The following TFAM variants were observed in gnomAD, a reference collection of about 807,000 sequenced individuals.
TFAM encodes mitochondrial transcription factor 1.
TFAM carries 13 observed loss-of-function variants against 30.6 expected under a neutral mutation model. The observed-to-expected ratio is 0.42, with a 90% confidence interval of 0.28 to 0.67. The LOEUF (loss-of-function observed/expected upper bound fraction) is 0.67, where lower values mean the gene tolerates loss of function less well. Ranked by LOEUF, TFAM falls within the 30% of genes least tolerant of loss-of-function variation. The pLI, the probability that TFAM is intolerant of heterozygous loss-of-function variation, is 0.21. For synonymous variants in TFAM, 106 were observed against 94.8 expected (o/e 1.12, Z -0.69); for missense variants, 231 against 293.7 (o/e 0.79, Z 1.56).
chr10:58,396,068 A>T lies in TFAM; in HGVS notation c.*994A>T. ...TTTATAATTTTAAATGTTTTTTTTT[A>T]AAGACTTTTATGATACTTGAAAATT... is the stretch of plus-strand genomic sequence containing the variant. On this transcript the variant is annotated 3_prime_UTR_variant, in exon 7 of 7. Transcript: ENST00000487519. 5.2e-5 allele frequency: 8 copies of T among 153,906 alleles called. No homozygotes were observed. The highest frequency in any genetic ancestry group is 1.0e-4 in the Non-Finnish European group (7 of 69,334). The allele number at this position is 153,906 out of a possible 1,614,324, so 9.5% of individuals were successfully genotyped here.
rs1353484787 is a variant in TFAM, at chr10:58,396,096, C to G, written c.*1022C>G. The G allele has an allele frequency of 6.6e-6, 1 of 152,462 alleles. No individual in the cohort carries two copies. The highest frequency in any genetic ancestry group is 1.5e-5 in the Non-Finnish European group (1 of 68,336). 9.4% of individuals were successfully genotyped at this position (152,462 alleles called of 1,614,324 possible). A position where few individuals can be genotyped will look rare whatever the true frequency, so the allele number is the denominator to read the frequency against. On this transcript the variant is annotated 3_prime_UTR_variant, in exon 7 of 7. Transcript: ENST00000487519. ...GACTTTTATGATACTTGAAAATTAA[C>G]ATGAATATTTAGTGTTCATAAATAA... is the stretch of plus-strand genomic sequence containing the variant.
rs929869516 is a variant in TFAM, at chr10:58,388,048, G to T, written c.221-142G>T. ...TGATAATGTTGGATAAATTACTTACGTTTAAATTAGTTGGATAAAGGAAAG... is the reference window on the plus strand; with the variant it reads ...TGATAATGTTGGATAAATTACTTACTTTTAAATTAGTTGGATAAAGGAAAG... On this transcript the variant is annotated intron_variant, in intron 2 of 6. Coordinates refer to ENST00000487519, the MANE Select transcript of TFAM (RefSeq NM_003201.3). The T allele has an allele frequency of 4.7e-5, 32 of 677,468 alleles. No individual in the cohort carries two copies. The African/African-American group carries it at 4.9e-4, about 10-fold the overall frequency. The allele number at this position is 677,468 out of a possible 1,614,324, so 42.0% of individuals were successfully genotyped here.
intron 2 of TFAM, chr10:58,386,647 TA>T (rs1840496303): frequency 8.6e-7 from 1 of 1,166,462 alleles, no homozygotes. Context: ...TTCTCTTGCC[TA>T]GCTCCTCCTT....
At chr10:58,393,894 C>CAAAAA (rs1212905436) in intron 5 of TFAM, among the ~76,000 whole-genome samples, 1 of 115,650 alleles carries the variant, frequency 8.6e-6, no homozygotes, top group South Asian at 2.8e-4. Flanking sequence ...GACCTTGTCT[C>CAAAAA]AAAAAAAAAA....
intron 2 of TFAM, among the ~76,000 whole-genome samples, chr10:58,387,158 G>A (rs1358838291): frequency 1.3e-5 from 2 of 152,166 alleles, no homozygotes; most frequent in South Asian, 2.1e-4. Flanking sequence ...AGCTACTTGG[G>A]AGGCTGTGGT....
Position 58,388,831 on chromosome 10 carries a change from T to G in TFAM, c.441+12T>G. On this transcript the variant is annotated intron_variant, in intron 4 of 6. Transcript: ENST00000487519. The stretch of plus-strand genomic sequence containing the variant: ...TGACAAAAAAAAAAGTGAGTATCAT[T>G]GAAATACTTTTTTCTTATGGTAAAG... 1 of 1,594,318 alleles carries G rather than the reference T, an allele frequency of 6.3e-7. No homozygotes were observed. Among genetic ancestry groups the G allele is most frequent in the Non-Finnish European group, 8.6e-7 (1 of 1,166,580 alleles).
At chr10:58,391,806 A>T (rs894087007) in intron 5 of TFAM, among the ~76,000 whole-genome samples, 1 of 151,028 alleles carries the variant, frequency 6.6e-6, no homozygotes, top group Non-Finnish European at 1.5e-5. Flanking sequence ...TTTTGCACCA[A>T]CCTAATAGTA....
At chr10:58,387,193 G>A (rs1462666289) in intron 2 of TFAM, among the ~76,000 whole-genome samples, 1 of 152,110 alleles carries the variant, frequency 6.6e-6, no homozygotes, top group Admixed American at 6.5e-5. Flanking sequence ...ATCCCAGGAA[G>A]TTGAGGCTGC....
Position 58,385,464 on chromosome 10 carries a change from G to A in TFAM, c.-84G>A. On this transcript the variant is annotated 5_prime_UTR_variant, in exon 1 of 7. Coordinates refer to ENST00000487519, the MANE Select transcript of TFAM (RefSeq NM_003201.3). ...ACACACGCCGGAGGGTCGCACGCGGGTTCCAGTTGTGATTGCTGGAGTTGT... is the reference window on the plus strand; with the variant it reads ...ACACACGCCGGAGGGTCGCACGCGGATTCCAGTTGTGATTGCTGGAGTTGT... The A allele has an allele frequency of 9.5e-7, 1 of 1,051,642 alleles. No individual in the cohort carries two copies. The highest frequency in any genetic ancestry group is 1.4e-6 in the Non-Finnish European group (1 of 694,724). The allele number at this position is 1,051,642 out of a possible 1,614,324, so 65.1% of individuals were successfully genotyped here. A position where few individuals can be genotyped will look rare whatever the true frequency, so the allele number is the denominator to read the frequency against.
Position 58,385,607 on chromosome 10 carries a change from G to A in TFAM, c.60G>A (p.Glu20=). 3.2e-6 allele frequency: 5 copies of A among 1,567,364 alleles called. No individual in the cohort carries two copies. The highest frequency in any genetic ancestry group is 4.3e-6 in the Non-Finnish European group (5 of 1,155,576). ...GTGCCCTGGGAAGGTCTGGAGCAGA[G>A]CTGTGCACCGGCTGTGGAAGTCGAC... is the stretch of plus-strand genomic sequence containing the variant. ...VLSALGRSGA[E]LCTGCGSRLR... Residue 20 remains glutamate, a synonymous_variant, in exon 1 of 7, where the codon GAG becomes GAA. Coordinates refer to ENST00000487519, the MANE Select transcript of TFAM (RefSeq NM_003201.3).
chr10:58,386,855 G>T (rs1379391809), intron 2 of TFAM: 1 of 203,474 alleles, frequency 4.9e-6, no homozygotes, highest in East Asian at 1.8e-4. Flanking sequence ...ACCTTGCCAA[G>T]GGGATGGTGG....
rs45602241 is a variant in TFAM, at chr10:58,390,531, G to T, written c.442-234G>T. The stretch of plus-strand genomic sequence containing the variant: ...GTTCATGGAGACTATGAGAATAATA[G>T]GTAAAGGAAATGGTTTTGTATGGAA... On this transcript the variant is annotated intron_variant, in intron 4 of 6. Coordinates refer to ENST00000487519, the MANE Select transcript of TFAM (RefSeq NM_003201.3). 8.3e-3 allele frequency among the ~76,000 whole-genome samples: 1,256 copies of T among 152,234 alleles called. 22 individuals carry two copies. The highest frequency in any genetic ancestry group is 0.026 in the African/African-American group (1,062 of 41,546).
At chr10:58,388,533 A>C (rs1285222563) in intron 3 of TFAM, 137 bp from the exon 4 acceptor site, 10 of 956,892 alleles carry the variant, frequency 1.0e-5, no homozygotes, top group Non-Finnish European at 1.7e-5. Context: ...ATCCATATAC[A>C]TCTCATCCCA....
chr10:58,389,734 T>G lies in TFAM; in HGVS notation c.441+915T>G, dbSNP rs181350400. On this transcript the variant is annotated intron_variant, in intron 4 of 6. Transcript: ENST00000487519. The stretch of plus-strand genomic sequence containing the variant: ...GTTTGGAAGAGTGATTACTAAAGTA[T>G]ATCCTCCCTCTTTCATTCTCCCTTC... Among the ~76,000 whole-genome samples the G allele has an allele frequency of 9.1e-4, 138 of 152,358 alleles. 1 individual carries two copies. Among genetic ancestry groups the G allele is most frequent in the Non-Finnish European group, 1.6e-3 (109 of 68,034 alleles).
intron 5 of TFAM, among the ~76,000 whole-genome samples, chr10:58,392,447 G>A (rs1426552722): frequency 3.7e-3 from 1 of 270 alleles, no homozygotes; most frequent in African/African-American, 0.013. Context: ...TTCTGAGCTG[G>A]TCCTTATTTT....
At chr10:58,386,704 G>A (rs1371798128) in intron 2 of TFAM, 1 of 1,128,488 alleles carries the variant, frequency 8.9e-7, no homozygotes, top group Non-Finnish European at 1.1e-6. Context: ...TTCTGTGGAA[G>A]CATCCATAAA....
At chr10:58,390,138 G>C (rs1207579062) in intron 4 of TFAM, among the ~76,000 whole-genome samples, 2 of 152,186 alleles carry the variant, frequency 1.3e-5, no homozygotes, top group African/African-American at 2.4e-5. Flanking sequence ...GCTATTAAGA[G>C]CCACAGAATT....
rs574251604 is a variant in TFAM, at chr10:58,397,681, T to C, written c.*2607T>C. 1.1e-4 allele frequency: 17 copies of C among 152,234 alleles called. No individual in the cohort carries two copies. Among genetic ancestry groups the C allele is most frequent in the Admixed American group, 1.0e-3 (16 of 15,292 alleles). The allele number at this position is 152,234 out of a possible 1,614,324, so 9.4% of individuals were successfully genotyped here. A position where few individuals can be genotyped will look rare whatever the true frequency, so the allele number is the denominator to read the frequency against. On this transcript the variant is annotated 3_prime_UTR_variant, in exon 7 of 7. Coordinates refer to ENST00000487519, the MANE Select transcript of TFAM (RefSeq NM_003201.3). ...ACCAAATGCCATTCAGCTGTAACAG[T>C]ATACACAGATTTTCTCTTATAAAGA...
intron 5 of TFAM, among the ~76,000 whole-genome samples, chr10:58,391,482 A>ACGAGC (rs1840597548): frequency 1.3e-5 from 2 of 151,970 alleles, no homozygotes; most frequent in South Asian, 4.2e-4. Flanking sequence ...AGTTTTTGGC[A>ACGAGC]CTCTGCCTAC....
Sources: gnomAD v4.1 joint callset for allele counts (sites outside exome capture counted in the v4.1 genomes callset) on GRCh38, gnomAD v4.1.1 for gene constraint, MANE v1.5 for transcripts, NCBI Gene and HGNC (gene_info 2026-07-23, HGNC 2026-07-21) for gene names.